CHD6: variants seen among roughly 807,000 people sequenced by gnomAD.
CHD6 encodes ATP-dependent chromatin remodeler CHD6.
In CHD6, 50 loss-of-function variants were observed where a neutral mutation model predicts 276.9. That is an observed-to-expected ratio of 0.18 (90% CI 0.14 to 0.23). The LOEUF (loss-of-function observed/expected upper bound fraction) is 0.23. Among genes scored for constraint, CHD6 ranks in the 10% least tolerant of loss-of-function variants. The pLI is 1.00. For synonymous variants in CHD6, 1,173 were observed against 1,229.3 expected (o/e 0.95, Z 0.96); for missense variants, 2,564 against 3,365.8 (o/e 0.76, Z 5.89).
chr20:41,462,750 ATT>A (rs1569105822), intron 17 of CHD6, among the ~76,000 whole-genome samples: 2 of 152,250 alleles, frequency 1.3e-5, no homozygotes, highest in Admixed American at 6.5e-5. Flanking sequence ...TTACGTATGC[ATT>A]TGTGTCTATA....
chr20:41,470,413 AC>A (rs1021342541), intron 17 of CHD6, among the ~76,000 whole-genome samples: 2 of 151,576 alleles, frequency 1.3e-5, no homozygotes, highest in Non-Finnish European at 2.9e-5. Flanking sequence ...TCACACAGTA[AC>A]CTTTTGCTGC....
chr20:41,566,675 C>T (rs1016938261), intron 1 of CHD6, among the ~76,000 whole-genome samples: 2 of 152,174 alleles, frequency 1.3e-5, no homozygotes, highest in South Asian at 2.1e-4. Flanking sequence ...GGGGTCACCC[C>T]GTCCTCTTGG....
At chr20:41,437,532 T>C (rs1056794231) in intron 26 of CHD6, among the ~76,000 whole-genome samples, 198 bp from the exon 27 acceptor site, 5 of 152,234 alleles carry the variant, frequency 3.3e-5, no homozygotes, top group African/African-American at 1.2e-4. Context: ...TGTTAATCCC[T>C]TACTGTCCCT....
In CHD6 at chr20:41,413,426, C is replaced by A; in HGVS notation, c.7029G>T (p.Thr2343=). The change falls in exon 35 of 37, where the codon ACG becomes ACT. Residue 2343 remains threonine (T), a synonymous_variant. Coordinates refer to ENST00000373233, the MANE Select transcript of CHD6 (RefSeq NM_032221.5). ...ATTTCTCGGCTTGGCTGCTGGCTGC[C>A]GTAGCTGGCTCAGGAGCCGAGGTGG... The part of the protein sequence containing the change: ...GPATSAPEPA[T]AASSQAEKSI... 1.2e-6 allele frequency: 2 copies of A among 1,611,980 alleles called. No homozygotes were observed. Among genetic ancestry groups the A allele is most frequent in the African/African-American group, 2.7e-5 (2 of 74,972 alleles).
intron 5 of CHD6, among the ~76,000 whole-genome samples, chr20:41,505,628 T>C (rs988605547): frequency 3.9e-5 from 6 of 152,178 alleles, no homozygotes; most frequent in Non-Finnish European, 7.4e-5. Flanking sequence ...TAAAAAGAGC[T>C]TTTTGTAATT....
chr20:41,493,728 G>A (rs907218420), intron 9 of CHD6, 56 bp from the exon 10 acceptor site: 2 of 1,601,378 alleles, frequency 1.2e-6, no homozygotes, highest in African/African-American at 1.3e-5. Context: ...GGAGTCAGTA[G>A]TATCTGCCAA....
intron 1 of CHD6, among the ~76,000 whole-genome samples, chr20:41,566,168 C>A (rs2045353485): frequency 6.6e-6 from 1 of 152,158 alleles, no homozygotes; most frequent in African/African-American, 2.4e-5. Context: ...TTTCTAAACT[C>A]TCTCAGATGA....
chr20:41,454,960 T>A (rs1483102134), intron 19 of CHD6, among the ~76,000 whole-genome samples: 2 of 152,032 alleles, frequency 1.3e-5, no homozygotes, highest in African/African-American at 2.4e-5. Context: ...AAGGGATCAT[T>A]TTTTTTTGGA....
intron 1 of CHD6, among the ~76,000 whole-genome samples, chr20:41,607,294 G>C (rs780612161): frequency 6.6e-6 from 1 of 152,134 alleles, no homozygotes; most frequent in Non-Finnish European, 1.5e-5. Flanking sequence ...CTGGCTTAAC[G>C]GTTGATCCTT....
chr20:41,504,077 C>CAAAAA (rs1189323419), intron 5 of CHD6, among the ~76,000 whole-genome samples: 778 of 27,080 alleles, frequency 0.029, 110 homozygotes, highest in African/African-American at 0.077. Flanking sequence ...GACTCTGTCT[C>CAAAAA]AAAAAAAAAA....
intron 1 of CHD6, among the ~76,000 whole-genome samples, chr20:41,556,291 G>C (rs1024686420): frequency 1.3e-5 from 2 of 148,922 alleles, no homozygotes; most frequent in Non-Finnish European, 3.0e-5. Context: ...AGAGGGAGAG[G>C]GAGACCGTGG....
intron 23 of CHD6, among the ~76,000 whole-genome samples, chr20:41,449,944 A>T (rs2048185316): frequency 6.6e-6 from 1 of 152,202 alleles, no homozygotes. Context: ...TTTTGATGAC[A>T]ATTTCATGCC....
At chr20:41,575,228 T>C (rs1425022061) in intron 1 of CHD6, among the ~76,000 whole-genome samples, 1 of 152,220 alleles carries the variant, frequency 6.6e-6, no homozygotes, top group Non-Finnish European at 1.5e-5. Context: ...GAGTGTACTT[T>C]CGTTTTCAAT....
intron 2 of CHD6, among the ~76,000 whole-genome samples, chr20:41,544,727 T>G (rs1016109434): frequency 1.3e-5 from 2 of 150,228 alleles, no homozygotes; most frequent in African/African-American, 4.9e-5. Flanking sequence ...CACAGTAATA[T>G]GATTACTATA....
intron 25 of CHD6, among the ~76,000 whole-genome samples, chr20:41,444,048 T>G (rs1297536438): frequency 6.6e-6 from 1 of 152,204 alleles, no homozygotes; most frequent in Admixed American, 6.5e-5. Flanking sequence ...CTTGGCAATG[T>G]GCCCTAAAAC....
intron 1 of CHD6, among the ~76,000 whole-genome samples, chr20:41,570,541 A>G (rs1164146941): frequency 2.6e-5 from 4 of 152,178 alleles, no homozygotes; most frequent in Admixed American, 6.5e-5. Context: ...TCACCCCCAA[A>G]TGACTTAAGG....
intron 30 of CHD6, among the ~76,000 whole-genome samples, chr20:41,422,846 G>C (rs2047239319): frequency 6.6e-6 from 1 of 152,162 alleles, no homozygotes; most frequent in Non-Finnish European, 1.5e-5. Flanking sequence ...TGCCATATAG[G>C]AGGCAAAGGC....
intron 1 of CHD6, among the ~76,000 whole-genome samples, chr20:41,580,689 T>A (rs540803132): frequency 2.0e-5 from 3 of 147,344 alleles, no homozygotes; most frequent in African/African-American, 7.6e-5. Context: ...AATACATCTA[T>A]TGAACATGTT....
intron 23 of CHD6, among the ~76,000 whole-genome samples, chr20:41,449,261 A>T (rs980450168): frequency 3.3e-5 from 5 of 152,190 alleles, no homozygotes; most frequent in African/African-American, 1.2e-4. Flanking sequence ...AAAATTTACA[A>T]CCACTGCCAA....
Sources: gnomAD v4.1 joint callset for allele counts (sites outside exome capture counted in the v4.1 genomes callset) on GRCh38, gnomAD v4.1.1 for gene constraint, MANE v1.5 for transcripts, NCBI Gene and HGNC (gene_info 2026-07-23, HGNC 2026-07-21) for gene names.